The following FAM98B variants were observed in gnomAD, a reference collection of about 807,000 sequenced individuals.
FAM98B encodes the protein tRNA-splicing ligase complex subunit FAM98B.
A neutral mutation model predicts 43.9 loss-of-function variants in FAM98B; 32 were observed. The observed-to-expected ratio is 0.73, with a 90% CI of 0.55 to 0.98. The LOEUF is 0.98. Among genes scored for constraint, FAM98B ranks in the 50% least tolerant of loss-of-function variants. FAM98B has a pLI of 0.00. For missense variants in FAM98B, 514 were observed against 522.9 expected (o/e 0.98, Z 0.17); for synonymous variants, 190 against 174.0 (o/e 1.09, Z -0.72).
rs1254656038 is a variant in FAM98B, at chr15:38,484,731, C to T, written c.*72C>T. On this transcript the variant is annotated 3_prime_UTR_variant, in exon 8 of 8. Transcript: ENST00000397609. ...TAGAAATAGTGTTCCAAATAACATA[C>T]TTGAATATCATCTTTGAAGTAAACA... is the stretch of plus-strand genomic sequence containing the variant. 10 of 1,476,064 alleles carry T rather than the reference C, an allele frequency of 6.8e-6. No individual in the cohort carries two copies. The highest frequency in any genetic ancestry group is 2.8e-5 in the South Asian group (2 of 70,356). 91.4% of individuals were successfully genotyped at this position (1,476,064 alleles called of 1,614,324 possible).
At position 38,468,928 on chromosome 15, in the gene FAM98B, A is replaced by G. The variant is rs532655229; in HGVS notation, c.353-1299A>G. On this transcript the variant is annotated intron_variant, in intron 3 of 7. Transcript: ENST00000397609. Reference sequence around the variant, plus strand: ...AGTATTTATTTATGTATTTTTTGAGATGGAATCTTGATCTGTCACCCAGGC... The same window carrying G: ...AGTATTTATTTATGTATTTTTTGAGGTGGAATCTTGATCTGTCACCCAGGC... 6.6e-5 allele frequency among the ~76,000 whole-genome samples: 10 copies of G among 152,326 alleles called. No homozygotes were observed. The South Asian group carries it at 1.7e-3, about 25-fold the overall frequency.
At chr15:38,459,892 A>C (rs1246425352) in intron 1 of FAM98B, among the ~76,000 whole-genome samples, 1 of 152,256 alleles carries the variant, frequency 6.6e-6, no homozygotes, top group Non-Finnish European at 1.5e-5. Context: ...GTTGTAGATG[A>C]AAGATAGTGG....
Position 38,470,523 on chromosome 15 carries a change from T to A in FAM98B, c.531+118T>A, listed in dbSNP as rs962806023. 1.1e-5 allele frequency: 10 copies of A among 943,964 alleles called. No homozygotes were observed. The African/African-American group carries it at 1.7e-4, about 16-fold the overall frequency. 58.5% of individuals were successfully genotyped at this position (943,964 alleles called of 1,614,324 possible). A position where few individuals can be genotyped will look rare whatever the true frequency, so the allele number is the denominator to read the frequency against. On this transcript the variant is annotated intron_variant, in intron 4 of 7. Coordinates refer to ENST00000397609, the MANE Select transcript of FAM98B (RefSeq NM_173611.4). ...GTATACATTTTATTTCAAGAGTTTA[T>A]CTTCATATAAACCCAGTTTTGGATT...
chr15:38,455,757 C>T lies in FAM98B; in HGVS notation c.71+1525C>T, dbSNP rs988821110. On this transcript the variant is annotated intron_variant, in intron 1 of 7. Coordinates refer to ENST00000397609, the MANE Select transcript of FAM98B (RefSeq NM_173611.4). Reference sequence around the variant, plus strand: ...TGAAAAAGGAAAAGGCAGTGCTTTTCTTCTTTCTTCATTTCTTGAACTTAT... The same window carrying T: ...TGAAAAAGGAAAAGGCAGTGCTTTTTTTCTTTCTTCATTTCTTGAACTTAT... Among the ~76,000 whole-genome samples the T allele has an allele frequency of 2.0e-5, 3 of 152,298 alleles. No homozygotes were observed. In the East Asian group the frequency reaches 5.8e-4, roughly 29 times the overall value.
intron 6 of FAM98B, among the ~76,000 whole-genome samples, chr15:38,480,917 A>G (rs1045354938): frequency 1.3e-5 from 2 of 152,008 alleles, no homozygotes; most frequent in Admixed American, 6.5e-5. Context: ...CCATACAGAA[A>G]CTTGGTATTT....
chr15:38,463,899 T>G, intron 1 of FAM98B, 133 bp from the exon 2 acceptor site: 1 of 820,718 alleles, frequency 1.2e-6, no homozygotes, highest in South Asian at 2.6e-5. Context: ...ATTTGTAGAT[T>G]AATACATTTA....
intron 3 of FAM98B, among the ~76,000 whole-genome samples, chr15:38,469,198 T>G (rs62002935): frequency 0.015 from 1,740 of 115,712 alleles, 20 homozygotes; most frequent in Non-Finnish European, 0.025. Context: ...GAGCCACCAC[T>G]CCCAGCCAAA....
intron 4 of FAM98B, among the ~76,000 whole-genome samples, chr15:38,473,114 AT>A (rs1890150411): frequency 6.6e-6 from 1 of 152,202 alleles, no homozygotes; most frequent in East Asian, 1.9e-4. Context: ...CATAGCATTT[AT>A]TTGAGAAAAA....
intron 1 of FAM98B, among the ~76,000 whole-genome samples, chr15:38,455,627 A>G (rs562900407): frequency 6.6e-6 from 1 of 152,342 alleles, no homozygotes; most frequent in South Asian, 2.1e-4. Context: ...GTTAAGAAGG[A>G]ACCAAAACAA....
intron 3 of FAM98B, among the ~76,000 whole-genome samples, chr15:38,465,708 T>C (rs1378956248): frequency 1.3e-5 from 2 of 152,176 alleles, no homozygotes; most frequent in African/African-American, 4.8e-5. Context: ...TGGCTAACAT[T>C]GATGATCTCC....
At chr15:38,464,545 A>G (rs765443698) in intron 2 of FAM98B, among the ~76,000 whole-genome samples, 4 of 151,976 alleles carry the variant, frequency 2.6e-5, no homozygotes, top group Non-Finnish European at 5.9e-5. Context: ...TTATATATAT[A>G]TAATTCCTAA....
intron 3 of FAM98B, among the ~76,000 whole-genome samples, chr15:38,466,304 C>T (rs1026907003): frequency 3.3e-5 from 5 of 151,852 alleles, no homozygotes; most frequent in Non-Finnish European, 7.4e-5. Flanking sequence ...CTCTCCATCC[C>T]AATACACCAT....
intron 2 of FAM98B, 32 bp from the exon 3 acceptor site, chr15:38,465,237 A>T: frequency 6.3e-7 from 1 of 1,586,410 alleles, no homozygotes; most frequent in Non-Finnish European, 8.5e-7. Context: ...GTAAATGCTC[A>T]GTAAATGTTT....
At position 38,485,572 on chromosome 15, in the gene FAM98B, C is replaced by G. The variant is rs1475192105; in HGVS notation, c.*913C>G. The G allele has an allele frequency of 1.3e-5, 2 of 152,130 alleles. No individual in the cohort carries two copies. The highest frequency in any genetic ancestry group is 2.9e-5 in the Non-Finnish European group (2 of 68,028). The allele number at this position is 152,130 out of a possible 1,614,324, so 9.4% of individuals were successfully genotyped here. A position where few individuals can be genotyped will look rare whatever the true frequency, so the allele number is the denominator to read the frequency against. ...GATTCACAGCTAGATTTGGGAAACACAAAGTTAGGGAATGGCTATATGTGA... is the reference window on the plus strand; with the variant it reads ...GATTCACAGCTAGATTTGGGAAACAGAAAGTTAGGGAATGGCTATATGTGA... On this transcript the variant is annotated 3_prime_UTR_variant, in exon 8 of 8. Coordinates refer to ENST00000397609, the MANE Select transcript of FAM98B (RefSeq NM_173611.4).
intron 3 of FAM98B, among the ~76,000 whole-genome samples, chr15:38,469,139 C>T (rs912785579): frequency 7.2e-5 from 11 of 152,122 alleles, no homozygotes; most frequent in African/African-American, 1.7e-4. Flanking sequence ...CTTCTGACCT[C>T]GGGTAATCTG....
At chr15:38,480,122 T>C (rs1890261105) in intron 6 of FAM98B, among the ~76,000 whole-genome samples, 1 of 152,166 alleles carries the variant, frequency 6.6e-6, no homozygotes, top group Non-Finnish European at 1.5e-5. Flanking sequence ...CCAGTTGTCA[T>C]TAGATGTTGT....
At chr15:38,455,951 G>A (rs1889841506) in intron 1 of FAM98B, among the ~76,000 whole-genome samples, 1 of 152,178 alleles carries the variant, frequency 6.6e-6, no homozygotes, top group African/African-American at 2.4e-5. Context: ...ATTCTCCTAT[G>A]ATAATACGAT....
chr15:38,481,786 C>A, intron 7 of FAM98B: 1 of 602,334 alleles, frequency 1.7e-6, no homozygotes, highest in South Asian at 2.1e-5. Flanking sequence ...CAAGTACTGA[C>A]AGATTCGTTA....
intron 6 of FAM98B, among the ~76,000 whole-genome samples, chr15:38,480,276 G>T (rs1890263650): frequency 7.2e-5 from 11 of 152,086 alleles, no homozygotes; most frequent in Admixed American, 7.2e-4. Context: ...TATTATTACA[G>T]ATAGCCACCA....
Sources: allele counts gnomAD v4.1 joint callset (sites outside exome capture counted in the v4.1 genomes callset), GRCh38; gene constraint gnomAD v4.1.1; transcripts MANE v1.5; gene names NCBI Gene and HGNC (gene_info 2026-07-23, HGNC 2026-07-21).